The following SLC41A2 variants were observed in gnomAD, a reference collection of about 807,000 sequenced individuals.
The protein encoded by SLC41A2 is SLC41A1-like 1.
SLC41A2 carries 32 observed loss-of-function variants against 58.3 expected under a neutral mutation model. The observed-to-expected ratio is 0.55, with a 90% CI of 0.41 to 0.74. The LOEUF (loss-of-function observed/expected upper bound fraction) is 0.74, where lower values mean the gene tolerates loss of function less well. SLC41A2 is among the 30% of genes least tolerant of loss of function. SLC41A2 has a pLI of 0.00. For synonymous variants in SLC41A2, 190 were observed against 235.0 expected (o/e 0.81, Z 1.75); for missense variants, 514 against 680.6 (o/e 0.76, Z 2.72).
chr12:104,878,449 C>A (rs1311286017), intron 6 of SLC41A2, among the ~76,000 whole-genome samples: 1 of 151,794 alleles, frequency 6.6e-6, no homozygotes, highest in Non-Finnish European at 1.5e-5. Flanking sequence ...TCTCCCAATG[C>A]TATCCCTCCC....
chr12:104,880,745 A>G (rs1379053543), intron 6 of SLC41A2, among the ~76,000 whole-genome samples: 1 of 152,032 alleles, frequency 6.6e-6, no homozygotes, highest in African/African-American at 2.4e-5. Flanking sequence ...TTTTTGTGTC[A>G]ATGTTTATCA....
At chr12:104,819,078 C>CT (rs993574038) in intron 10 of SLC41A2, among the ~76,000 whole-genome samples, 2 of 151,714 alleles carry the variant, frequency 1.3e-5, no homozygotes, top group African/African-American at 4.8e-5. Flanking sequence ...AGAAAATATA[C>CT]TTTTTTTTCA....
At chr12:104,847,037 A>G (rs2042621493) in intron 8 of SLC41A2, among the ~76,000 whole-genome samples, 1 of 152,220 alleles carries the variant, frequency 6.6e-6, no homozygotes, top group Non-Finnish European at 1.5e-5. Flanking sequence ...AAGTCATCAG[A>G]GCCAGACCCA....
At chr12:104,923,740 C>T (rs929743123) in intron 2 of SLC41A2, among the ~76,000 whole-genome samples, 1 of 152,128 alleles carries the variant, frequency 6.6e-6, no homozygotes. Context: ...ATTCTGGACA[C>T]ATACAACTAT....
chr12:104,876,349 T>C (rs1204664503), intron 6 of SLC41A2, among the ~76,000 whole-genome samples: 1 of 152,170 alleles, frequency 6.6e-6, no homozygotes, highest in Non-Finnish European at 1.5e-5. Flanking sequence ...TAACATTAGC[T>C]TGTTTATTGG....
intron 5 of SLC41A2, among the ~76,000 whole-genome samples, chr12:104,888,170 A>G (rs1256725013): frequency 6.6e-6 from 1 of 152,064 alleles, no homozygotes; most frequent in African/African-American, 2.4e-5. Flanking sequence ...CCATTCAACT[A>G]TAGTAATTCT....
chr12:104,833,860 G>C (rs2042121559), intron 10 of SLC41A2, among the ~76,000 whole-genome samples: 1 of 151,712 alleles, frequency 6.6e-6, no homozygotes, highest in African/African-American at 2.4e-5. Context: ...AATTTCCTGA[G>C]TAATTATTTT....
intron 8 of SLC41A2, among the ~76,000 whole-genome samples, chr12:104,860,442 G>A (rs147506279): frequency 1.0e-4 from 15 of 150,466 alleles, no homozygotes; most frequent in African/African-American, 2.7e-4. Flanking sequence ...CCCAGAAGCC[G>A]GTAGACTGGA....
At chr12:104,825,154 A>G (rs557310389) in intron 10 of SLC41A2, among the ~76,000 whole-genome samples, 1 of 152,298 alleles carries the variant, frequency 6.6e-6, no homozygotes, top group Middle Eastern at 3.4e-3. Flanking sequence ...TCAGCCACCA[A>G]AGGTGCAAAT....
intron 1 of SLC41A2, among the ~76,000 whole-genome samples, chr12:104,936,857 AG>A (rs1233130644): frequency 6.6e-6 from 1 of 152,268 alleles, no homozygotes; most frequent in African/African-American, 2.4e-5. Context: ...GAAACAAAGA[AG>A]GAAAATATTT....
intron 5 of SLC41A2, among the ~76,000 whole-genome samples, chr12:104,888,694 A>G (rs1405178974): frequency 2.0e-5 from 3 of 152,124 alleles, no homozygotes; most frequent in Non-Finnish European, 4.4e-5. Flanking sequence ...TCAAGTGACA[A>G]GCTAGTAAAT....
intron 3 of SLC41A2, among the ~76,000 whole-genome samples, chr12:104,895,953 G>C (rs1565882100): frequency 6.6e-6 from 1 of 152,144 alleles, no homozygotes; most frequent in Non-Finnish European, 1.5e-5. Context: ...CAATTGTTCT[G>C]TGAGCTAATT....
chr12:104,853,911 A>ATTTTTTTTTTTTT lies in SLC41A2; in HGVS notation c.1255+7367_1255+7379dup, dbSNP rs1555202443. ...GGGTGCATGTCACCATGCCTGGCTG[A>ATTTTTTTTTTTTT]TTTTTTTTTTTTTTTTTTTTTTTTT... is the stretch of plus-strand genomic sequence containing the variant. On this transcript the variant is annotated intron_variant, in intron 8 of 10. Coordinates refer to ENST00000258538, the MANE Select transcript of SLC41A2 (RefSeq NM_001352171.3). Among the ~76,000 whole-genome samples the ATTTTTTTTTTTTT allele has an allele frequency of 3.4e-4, 20 of 59,494 alleles. 1 individual carries two copies. The highest frequency in any genetic ancestry group is 1.4e-3 in the African/African-American group (20 of 14,474). 39.0% of individuals were successfully genotyped at this position (59,494 alleles called of 152,430 possible).
intron 1 of SLC41A2, among the ~76,000 whole-genome samples, chr12:104,951,853 T>C (rs1366280090): frequency 6.6e-6 from 1 of 151,514 alleles, no homozygotes; most frequent in African/African-American, 2.4e-5. Flanking sequence ...TTTATTCCTT[T>C]TGTCCTTAGC....
At chr12:104,891,408 A>G (rs1437775629) in intron 4 of SLC41A2, among the ~76,000 whole-genome samples, 1 of 152,020 alleles carries the variant, frequency 6.6e-6, no homozygotes, top group East Asian at 1.9e-4. Flanking sequence ...TTTGACAAAT[A>G]ATTTATACTA....
intron 3 of SLC41A2, among the ~76,000 whole-genome samples, chr12:104,905,589 C>T (rs1337709112): frequency 6.6e-6 from 1 of 152,228 alleles, no homozygotes; most frequent in African/African-American, 2.4e-5. Context: ...GAGGCTCGGG[C>T]CGCACAGGAG....
intron 8 of SLC41A2, among the ~76,000 whole-genome samples, chr12:104,848,925 A>G (rs1031610796): frequency 6.8e-6 from 1 of 147,402 alleles, no homozygotes; most frequent in Non-Finnish European, 1.5e-5. Flanking sequence ...CACACACACC[A>G]AATCTGACAT....
rs12322073 is a variant in SLC41A2 at position 104,886,458 on chromosome 12, A to C, written c.881-19T>G. 5.7e-3 allele frequency: 9,130 copies of C among 1,609,126 alleles called. 379 individuals carry two copies. The African/African-American group carries it at 0.1, about 18-fold the overall frequency. On this transcript the variant is annotated intron_variant, in intron 5 of 10. Coordinates refer to ENST00000258538, the MANE Select transcript of SLC41A2 (RefSeq NM_001352171.3). ...ATTATTCCTAGAAGAAAGAATGTTC[A>C]TTACTTTTTAGGCTATGATTTAAAG...
At chr12:104,876,491 T>A (rs1477724868) in intron 6 of SLC41A2, among the ~76,000 whole-genome samples, 2 of 152,174 alleles carry the variant, frequency 1.3e-5, no homozygotes, top group Non-Finnish European at 2.9e-5. Flanking sequence ...TTTTTTAATT[T>A]CCTTTTGGAT....
Sources: allele counts gnomAD v4.1 joint callset (sites outside exome capture counted in the v4.1 genomes callset), GRCh38; gene constraint gnomAD v4.1.1; transcripts MANE v1.5; gene names NCBI Gene and HGNC (gene_info 2026-07-23, HGNC 2026-07-21).